Variants in NPAS3 observed in about 807,000 individuals in gnomAD.
The protein encoded by NPAS3 is neuronal PAS domain-containing protein 3.
Under a neutral mutation model 73.1 loss-of-function variants are expected in NPAS3, and 14 were observed. That is an observed-to-expected ratio of 0.19 (90% CI 0.13 to 0.30). NPAS3 has a LOEUF of 0.30. Among genes scored for constraint, NPAS3 ranks in the 10% least tolerant of loss-of-function variants. The pLI is 1.00. For missense variants in NPAS3, 1,096 were observed against 1,250.0 expected (o/e 0.88, Z 1.86); for synonymous variants, 620 against 541.5 (o/e 1.14, Z -2.01).
intron 4 of NPAS3, among the ~76,000 whole-genome samples, chr14:33,477,138 A>ATT (rs2051076435): frequency 6.6e-6 from 1 of 151,852 alleles, no homozygotes; most frequent in Admixed American, 6.6e-5. Flanking sequence ...TGCCTTCTGG[A>ATT]TTTAATAATT....
At chr14:33,558,079 A>G (rs1214685394) in intron 4 of NPAS3, among the ~76,000 whole-genome samples, 1 of 152,242 alleles carries the variant, frequency 6.6e-6, no homozygotes. Flanking sequence ...TAATAAATGT[A>G]AGTTGGCATT....
At chr14:33,168,698 A>C (rs1168933443) in intron 2 of NPAS3, among the ~76,000 whole-genome samples, 2 of 152,078 alleles carry the variant, frequency 1.3e-5, no homozygotes, top group Non-Finnish European at 2.9e-5. Context: ...CCTTCATTTC[A>C]GTCTCTACTA....
At position 33,226,280 on chromosome 14, in the gene NPAS3, C is replaced by T. The variant is rs77050577; in HGVS notation, c.385+10854C>T. 9.5e-3 allele frequency among the ~76,000 whole-genome samples: 1,451 copies of T among 152,188 alleles called. 25 individuals carry two copies. Among genetic ancestry groups the T allele is most frequent in the African/African-American group, 0.032 (1,310 of 41,530 alleles). On this transcript the variant is annotated intron_variant, in intron 3 of 11. Coordinates refer to ENST00000356141, the Ensembl canonical transcript of NPAS3. ...CAGGACTATTGTTTGGTCATTTTGA[C>T]GTGGCTAATCAAACAACTGATCAGT...
At chr14:33,432,128 C>T (rs886995402) in intron 4 of NPAS3, among the ~76,000 whole-genome samples, 18 of 152,024 alleles carry the variant, frequency 1.2e-4, no homozygotes, top group African/African-American at 4.1e-4. Flanking sequence ...GAAAAAATTC[C>T]ACAGAGCTCT....
chr14:33,037,521 G>T (rs1449277404), intron 1 of NPAS3, among the ~76,000 whole-genome samples: 1 of 151,736 alleles, frequency 6.6e-6, no homozygotes, highest in African/African-American at 2.4e-5. Context: ...AAAAAATTAG[G>T]TTGGTGTGGT....
intron 3 of NPAS3, among the ~76,000 whole-genome samples, chr14:33,246,537 CAAA>C (rs56270689): frequency 0.075 from 7,772 of 103,146 alleles, 421 homozygotes; most frequent in African/African-American, 0.19. Flanking sequence ...GACTTCATCT[CAAA>C]AAAAAAAAAA....
chr14:33,235,374 G>A (rs904634941), intron 3 of NPAS3, among the ~76,000 whole-genome samples: 6 of 152,004 alleles, frequency 3.9e-5, no homozygotes, highest in Admixed American at 1.3e-4. Flanking sequence ...GCTTTTGTCC[G>A]ATTTATGGCT....
intron 3 of NPAS3, among the ~76,000 whole-genome samples, chr14:33,357,431 G>A (rs1189483888): frequency 2.0e-5 from 3 of 152,152 alleles, no homozygotes; most frequent in African/African-American, 4.8e-5. Context: ...CAGTTGGCTC[G>A]CAGGGTTTGT....
intron 3 of NPAS3, among the ~76,000 whole-genome samples, chr14:33,363,949 T>TGTGTGTGTGTGTGG: frequency 2.2e-5 from 1 of 46,106 alleles, no homozygotes; most frequent in East Asian, 5.0e-4. Flanking sequence ...TGTGTGTGTG[T>TGTGTGTGTGTGTGG]TGTGTGTGTG....
chr14:33,130,138 G>A (rs1053059839), intron 2 of NPAS3, among the ~76,000 whole-genome samples: 1 of 152,170 alleles, frequency 6.6e-6, no homozygotes, highest in Admixed American at 6.6e-5. Flanking sequence ...ATTTAATGCA[G>A]TTTCTTAAAT....
rs552348267 is a variant in NPAS3, at chr14:33,776,521, T to TAA, written c.1047-1906_1047-1905dup. 1.1e-3 allele frequency among the ~76,000 whole-genome samples: 36 copies of TAA among 32,062 alleles called. 5 individuals are homozygous for TAA. The highest frequency in any genetic ancestry group is 1.7e-3 in the African/African-American group (16 of 9,418). The allele number at this position is 32,062 out of a possible 152,430, so 21.0% of individuals were successfully genotyped here. On this transcript the variant is annotated intron_variant, in intron 8 of 11. Coordinates refer to ENST00000356141, the Ensembl canonical transcript of NPAS3. The stretch of plus-strand genomic sequence containing the variant: ...CTGCTTTTGGCGTTTTTCTTCCTCT[T>TAA]AAAAAAAAAAAAAAAAAAAAAAAAA...
chr14:33,008,297 G>C (rs962008541), intron 1 of NPAS3, among the ~76,000 whole-genome samples: 2 of 152,126 alleles, frequency 1.3e-5, no homozygotes, highest in South Asian at 4.1e-4. Context: ...ACTATTTCTT[G>C]AGGGATAAAA....
At chr14:33,455,554 C>A (rs957197889) in intron 4 of NPAS3, among the ~76,000 whole-genome samples, 4 of 152,290 alleles carry the variant, frequency 2.6e-5, no homozygotes, top group Admixed American at 6.5e-5. Context: ...AAGAAAAAAC[C>A]AACTTCTTGA....
intron 9 of NPAS3, among the ~76,000 whole-genome samples, chr14:33,782,081 G>A (rs2062995074): frequency 6.6e-6 from 1 of 152,120 alleles, no homozygotes; most frequent in South Asian, 2.1e-4. Context: ...AGCCTAGGGA[G>A]TTCTAGGGCC....
chr14:33,180,723 C>T (rs1436288830), intron 2 of NPAS3, among the ~76,000 whole-genome samples: 2 of 143,830 alleles, frequency 1.4e-5, no homozygotes, highest in Non-Finnish European at 3.0e-5. Flanking sequence ...GGCATGAACC[C>T]TGGAGGCGGA....
At chr14:33,716,333 G>A (rs1034077143) in intron 6 of NPAS3, among the ~76,000 whole-genome samples, 1 of 152,098 alleles carries the variant, frequency 6.6e-6, no homozygotes, top group African/African-American at 2.4e-5. Context: ...TTTGTATCAT[G>A]ATTCTTCCCT....
At chr14:33,453,828 T>A (rs2049907550) in intron 4 of NPAS3, among the ~76,000 whole-genome samples, 1 of 152,278 alleles carries the variant, frequency 6.6e-6, no homozygotes, top group East Asian at 1.9e-4. Flanking sequence ...AATTTAATCC[T>A]CCTAATGGTC....
At chr14:33,119,608 G>A (rs1320966850) in intron 2 of NPAS3, among the ~76,000 whole-genome samples, 2 of 152,068 alleles carry the variant, frequency 1.3e-5, no homozygotes, top group East Asian at 1.9e-4. Context: ...AGGGGAACTG[G>A]TGCTTTTAGA....
At chr14:33,224,666 T>C (rs1020388753) in intron 3 of NPAS3, among the ~76,000 whole-genome samples, 7 of 152,158 alleles carry the variant, frequency 4.6e-5, no homozygotes, top group Admixed American at 2.6e-4. Flanking sequence ...TTTCTCTCTA[T>C]GTTCCGCTAC....
Sources: allele counts gnomAD v4.1 joint callset (sites outside exome capture counted in the v4.1 genomes callset), GRCh38; gene constraint gnomAD v4.1.1; transcripts MANE v1.5; gene names NCBI Gene and HGNC (gene_info 2026-07-23, HGNC 2026-07-21).